HTR3C: variants seen among roughly 807,000 people sequenced by gnomAD.
HTR3C encodes 5-hydroxytryptamine receptor 3C.
In HTR3C, 32 loss-of-function variants were observed where a neutral mutation model predicts 40.5. That is an observed-to-expected ratio of 0.79 (90% CI 0.60 to 1.06). The LOEUF is 1.06. Ranked by LOEUF, HTR3C falls within the 50% of genes least tolerant of loss-of-function variation. HTR3C has a pLI of 0.00. For missense variants in HTR3C, 523 were observed against 556.8 expected (o/e 0.94, Z 0.61); for synonymous variants, 209 against 217.1 (o/e 0.96, Z 0.33).
rs143028767 is a variant in HTR3C, at chr3:184,059,592, C to T, written c.877C>T (p.Leu293=). 1.0e-4 allele frequency: 164 copies of T among 1,614,078 alleles called. 1 individual carries two copies. In the African/African-American group the frequency reaches 1.8e-3, roughly 17 times the overall value. Residue 293 remains leucine, a synonymous_variant, in exon 7 of 9, where the codon CTG becomes TTG. Transcript: ENST00000318351. ...ACTTCTGCTGGGCTACAACGTCTTC[C>T]TGCTCATGATGAATGACTTGCTCCC... is the stretch of plus-strand genomic sequence containing the variant. ...ITLLLGYNVF[L]LMMNDLLPAS... is the part of the protein sequence containing the mutation.
chr3:184,057,754 CAAA>C (rs893514003), intron 5 of HTR3C, among the ~76,000 whole-genome samples: 1 of 149,940 alleles, frequency 6.7e-6, no homozygotes, highest in Non-Finnish European at 1.5e-5. Context: ...CAAAACAAAA[CAAA>C]ACAAAAAACA....
Position 184,059,923 on chromosome 3 carries a change from C to A in HTR3C, c.1021C>A (p.Pro341Thr), listed in dbSNP as rs767711594. The A allele has an allele frequency of 5.6e-6, 9 of 1,613,802 alleles. No individual in the cohort carries two copies. The highest frequency in any genetic ancestry group is 6.8e-6 in the Non-Finnish European group (8 of 1,180,038). ...YLLHVATTQP[P>T]PMPRWLHSLL... ...GCTGCACGTGGCCACCACCCAGCCC[C>A]CACCCATGCCTAGGTGGCTTCACTC... The change falls in exon 8 of 9, where the codon CCA becomes ACA. Residue 341 changes from proline to threonine, a missense_variant. Transcript: ENST00000318351.
rs748741355 is a variant in HTR3C, at chr3:184,054,718, T to C, written c.68-3T>C. 6.3e-6 allele frequency: 10 copies of C among 1,586,844 alleles called. No individual in the cohort carries two copies. Among genetic ancestry groups the C allele is most frequent in the East Asian group, 2.3e-5 (1 of 44,340 alleles). ...TCTCTCACGGAGTCTCTGCTCTCTA[T>C]AGGAAGAGGCGACGCTTTTACCATC... On this transcript the variant is annotated splice_region_variant and splice_polypyrimidine_tract_variant and intron_variant, in intron 1 of 8. Transcript: ENST00000318351.
intron 8 of HTR3C, 35 bp downstream of exon 8, chr3:184,060,078 C>T (rs1332680714): frequency 2.5e-6 from 4 of 1,605,048 alleles, no homozygotes; most frequent in Non-Finnish European, 3.4e-6. Flanking sequence ...ACTCGCCCTT[C>T]ACACTGGGCC....
intron 4 of HTR3C, 38 bp downstream of exon 4, chr3:184,056,324 A>G (rs112206659): frequency 0.01 from 14,524 of 1,406,486 alleles, 105 homozygotes; most frequent in Non-Finnish European, 0.012. Flanking sequence ...GTGAAACCTC[A>G]TCTGCCGAGA....
chr3:184,053,392 C>T (rs1214149679), intron 1 of HTR3C, among the ~76,000 whole-genome samples: 1 of 152,186 alleles, frequency 6.6e-6, no homozygotes, highest in Admixed American at 6.5e-5. Flanking sequence ...TCCAATTCCA[C>T]CTTTTCACTG....
Position 184,056,267 on chromosome 3 carries a change from G to A in HTR3C, c.370G>A (p.Asp124Asn). The change falls in exon 4 of 9, where the codon GAC (aspartate) becomes AAC (asparagine). Residue 124 changes from aspartate to asparagine, a missense_variant. Asp to Asn is a conservative substitution (Grantham distance 23). Coordinates refer to ENST00000318351, the MANE Select transcript of HTR3C (RefSeq NM_130770.3). ...ATTAGCTGAAAACCTGTGGCTCCCAGACATCTTCATCGTGGAATCGTGCGT... is the reference window on the plus strand; with the variant it reads ...ATTAGCTGAAAACCTGTGGCTCCCAAACATCTTCATCGTGGAATCGTGCGT... ...TVLAENLWLP[D>N]IFIVESMDVD... 6.2e-7 allele frequency: 1 copy of A among 1,612,804 alleles called. No individual in the cohort carries two copies. The highest frequency in any genetic ancestry group is 8.5e-7 in the Non-Finnish European group (1 of 1,178,782).
intron 7 of HTR3C, 31 bp from the exon 8 acceptor site, chr3:184,059,797 C>G (rs770307770): frequency 6.2e-7 from 1 of 1,611,826 alleles, no homozygotes; most frequent in South Asian, 1.1e-5. Context: ...ATAAATTTGC[C>G]TGGTTTATTT....
rs1215566276 is a variant in HTR3C, at chr3:184,060,559, G to T, written c.*207G>T. The T allele has an allele frequency of 1.1e-5, 7 of 628,574 alleles. No homozygotes were observed. In the African/African-American group the frequency reaches 1.3e-4, roughly 12 times the overall value. The allele number at this position is 628,574 out of a possible 1,614,324, so 38.9% of individuals were successfully genotyped here. A position where few individuals can be genotyped will look rare whatever the true frequency, so the allele number is the denominator to read the frequency against. Reference sequence around the variant, plus strand: ...ACCGCTGCTCAGGCTGCTCATTCCTGCTCACCCTCAGTCTCCCTGAGCTAC... The same window carrying T: ...ACCGCTGCTCAGGCTGCTCATTCCTTCTCACCCTCAGTCTCCCTGAGCTAC... On this transcript the variant is annotated 3_prime_UTR_variant, in exon 9 of 9. Transcript: ENST00000318351.
chr3:184,056,802 C>T, intron 4 of HTR3C, 73 bp from the exon 5 acceptor site: 2 of 1,353,726 alleles, frequency 1.5e-6, no homozygotes, highest in Non-Finnish European at 2.0e-6. Flanking sequence ...GAGAGCACAG[C>T]AGGGGAGACC....
In HTR3C at chr3:184,056,746, CA is replaced by C. The variant is rs1340888985; in HGVS notation, c.390-124del. 4 of 871,776 alleles carry C rather than the reference CA, an allele frequency of 4.6e-6. No homozygotes were observed. In the African/African-American group the frequency reaches 6.9e-5, roughly 15 times the overall value. The allele number at this position is 871,776 out of a possible 1,614,324, so 54.0% of individuals were successfully genotyped here. A position where few individuals can be genotyped will look rare whatever the true frequency, so the allele number is the denominator to read the frequency against. On this transcript the variant is annotated intron_variant, in intron 4 of 8. Coordinates refer to ENST00000318351, the MANE Select transcript of HTR3C (RefSeq NM_130770.3). ...CTGGGCTACAAGAGTGAAACTGTCT[CA>C]AAAACAACAAAAAAATAAAAATAGA...
chr3:184,060,249 T>G lies in HTR3C; in HGVS notation c.1241T>G (p.Leu414Arg). 6.2e-7 allele frequency: 1 copy of G among 1,614,162 alleles called. No homozygotes were observed. The highest frequency in any genetic ancestry group is 8.5e-7 in the Non-Finnish European group (1 of 1,180,032). ...SGWTKTQLME[L>R]WVQFSHAMDT... Reference sequence around the variant, plus strand: ...TGGACAAAGACCCAGCTAATGGAGCTGTGGGTGCAGTTCAGCCACGCGATG... The same window carrying G: ...TGGACAAAGACCCAGCTAATGGAGCGGTGGGTGCAGTTCAGCCACGCGATG... The change falls in exon 9 of 9, where the codon CTG becomes CGG. Residue 414 changes from leucine to arginine, a missense_variant. Coordinates refer to ENST00000318351, the MANE Select transcript of HTR3C (RefSeq NM_130770.3).
rs1723377629 is a variant in HTR3C at position 184,058,533 on chromosome 3, G to C, written c.666G>C (p.Lys222Asn). 1.2e-6 allele frequency: 2 copies of C among 1,613,304 alleles called. No homozygotes were observed. Among genetic ancestry groups the C allele is most frequent in the African/African-American group, 1.3e-5 (1 of 74,828 alleles). Residue 222 changes from lysine (K) to asparagine (N), a missense_variant, in exon 6 of 9, where the codon AAG (lysine) becomes AAC (asparagine). Transcript: ENST00000318351. ...AGTGGGAGCTCTTGGGCATCAACAA[G>C]GCCACCCCAAAGATGTCCATGGGCA... ...QGEWELLGIN[K>N]ATPKMSMGNN...
Position 184,058,686 on chromosome 3 carries a change from C to T in HTR3C, c.720+99C>T, listed in dbSNP as rs780207935. On this transcript the variant is annotated intron_variant, in intron 6 of 8. Transcript: ENST00000318351. ...GGGAAGCAAAAAAGAAGCTCCAGGCCGGGTGCAGTGGCTCACACCTGTAAT... is the reference window on the plus strand; with the variant it reads ...GGGAAGCAAAAAAGAAGCTCCAGGCTGGGTGCAGTGGCTCACACCTGTAAT... The T allele has an allele frequency of 1.3e-5, 18 of 1,344,140 alleles. No homozygotes were observed. The Admixed American group carries it at 1.7e-4, about 13-fold the overall frequency. The allele number at this position is 1,344,140 out of a possible 1,614,324, so 83.3% of individuals were successfully genotyped here.
chr3:184,059,859 G>A lies in HTR3C; in HGVS notation c.957G>A (p.Met319Ile), dbSNP rs751585691. ...SVYFALCLSL[M>I]VVSLLETVFI... The stretch of plus-strand genomic sequence containing the variant: ...ACTTCGCCCTGTGCCTGTCCCTGAT[G>A]GTGGTCAGCCTGCTGGAGACCGTCT... Residue 319 changes from methionine to isoleucine, a missense_variant, in exon 8 of 9, where the codon ATG becomes ATA. By Grantham distance (10) the Met-to-Ile change is conservative (BLOSUM62 1). Transcript: ENST00000318351. 1.9e-6 allele frequency: 3 copies of A among 1,613,990 alleles called. No homozygotes were observed. In the Admixed American group the frequency reaches 5.0e-5, roughly 27 times the overall value.
Position 184,059,818 on chromosome 3 carries a change from C to T in HTR3C, c.926-10C>T. The T allele has an allele frequency of 1.9e-6, 3 of 1,613,882 alleles. No individual in the cohort carries two copies. The highest frequency in any genetic ancestry group is 2.5e-6 in the Non-Finnish European group (3 of 1,179,854). On this transcript the variant is annotated splice_polypyrimidine_tract_variant and intron_variant, in intron 7 of 8. Transcript: ENST00000318351. ...TTGCCTGGTTTATTTATAATTTGCT[C>T]TGCCCTCAGGTGTCTACTTCGCCCT...
At chr3:184,053,661 G>T (rs1289659126) in intron 1 of HTR3C, among the ~76,000 whole-genome samples, 1 of 152,214 alleles carries the variant, frequency 6.6e-6, no homozygotes, top group Non-Finnish European at 1.5e-5. Flanking sequence ...TGATGGCGAT[G>T]GAGCAAAGAT....
chr3:184,057,129 C>CCAAA, intron 5 of HTR3C, 85 bp downstream of exon 5: 1 of 1,028,574 alleles, frequency 9.7e-7, no homozygotes, highest in Non-Finnish European at 1.4e-6. Context: ...GGTTTTGGAT[C>CCAAA]AGTGTTGCTC....
In HTR3C at chr3:184,060,625, A is replaced by G; in HGVS notation, c.*273A>G. Reference sequence around the variant, plus strand: ...TCCCTGATCAATGGAAGTCCAGGTCAGTGGAGTCTCTCCTTGATTGATCAC... The same window carrying G: ...TCCCTGATCAATGGAAGTCCAGGTCGGTGGAGTCTCTCCTTGATTGATCAC... On this transcript the variant is annotated 3_prime_UTR_variant, in exon 9 of 9. Coordinates refer to ENST00000318351, the MANE Select transcript of HTR3C (RefSeq NM_130770.3). 1 of 522,910 alleles carries G rather than the reference A, an allele frequency of 1.9e-6. No individual in the cohort carries two copies. The highest frequency in any genetic ancestry group is 3.5e-6 in the Non-Finnish European group (1 of 289,008). 32.4% of individuals were successfully genotyped at this position (522,910 alleles called of 1,614,324 possible).
Sources: allele counts gnomAD v4.1 joint callset (sites outside exome capture counted in the v4.1 genomes callset), GRCh38; gene constraint gnomAD v4.1.1; transcripts MANE v1.5; gene names NCBI Gene and HGNC (gene_info 2026-07-23, HGNC 2026-07-21).